SERPINE2: variants seen among roughly 807,000 people sequenced by gnomAD.
SERPINE2 encodes the protein serpin family E member 2.
SERPINE2 carries 14 observed loss-of-function variants against 36.3 expected under a neutral mutation model. That is an observed-to-expected ratio of 0.39 (90% CI 0.25 to 0.60). The LOEUF is 0.60. Among genes scored for constraint, SERPINE2 ranks in the 20% least tolerant of loss-of-function variants. The probability of loss-of-function intolerance (pLI) is 0.57; values close to 1 mark genes in which losing one functional copy is unlikely to be tolerated. For missense variants in SERPINE2, 418 were observed against 499.6 expected (o/e 0.84, Z 1.56); for synonymous variants, 192 against 191.8 (o/e 1.00, Z -0.01).
In SERPINE2 at chr2:223,975,214, C is replaced by T. The variant is rs1689957157; in HGVS notation, c.*653G>A. The T allele has an allele frequency of 6.6e-6, 1 of 152,524 alleles. No individual in the cohort carries two copies. Among genetic ancestry groups the T allele is most frequent in the African/African-American group, 2.4e-5 (1 of 41,418 alleles). The allele number at this position is 152,524 out of a possible 1,614,324, so 9.4% of individuals were successfully genotyped here. A position where few individuals can be genotyped will look rare whatever the true frequency, so the allele number is the denominator to read the frequency against. Reference sequence around the variant, plus strand: ...TGTACAAAATACAAAAATGCAAATCCAAGGAGTACAGACCAGTAGTGACAG... The same window carrying T: ...TGTACAAAATACAAAAATGCAAATCTAAGGAGTACAGACCAGTAGTGACAG... On this transcript the variant is annotated 3_prime_UTR_variant, in exon 9 of 9. Coordinates refer to ENST00000409304, the MANE Select transcript of SERPINE2 (RefSeq NM_001136528.2).
chr2:223,986,875 C>T (rs1335333325), intron 4 of SERPINE2, among the ~76,000 whole-genome samples: 1 of 152,070 alleles, frequency 6.6e-6, no homozygotes, highest in East Asian at 1.9e-4. Context: ...TGCTTCTGAC[C>T]ACAGAAGCTG....
At chr2:223,981,991 C>G (rs557533280) in intron 6 of SERPINE2, 1 of 151,582 alleles carries the variant, frequency 6.6e-6, no homozygotes, top group African/African-American at 2.4e-5. Flanking sequence ...TTCATAAAAG[C>G]AATACATGAA....
chr2:224,027,992 G>A (rs1157833656), intron 1 of SERPINE2, among the ~76,000 whole-genome samples: 1 of 152,158 alleles, frequency 6.6e-6, no homozygotes, highest in Non-Finnish European at 1.5e-5. Context: ...GAACACAGGA[G>A]TGAATACAGA....
At chr2:224,009,152 G>A (rs544700142) in intron 1 of SERPINE2, among the ~76,000 whole-genome samples, 18 of 152,202 alleles carry the variant, frequency 1.2e-4, no homozygotes, top group African/African-American at 3.6e-4. Context: ...CACACAGCAC[G>A]GCAAGGTGAG....
At chr2:224,024,341 C>T (rs1180544500) in intron 1 of SERPINE2, among the ~76,000 whole-genome samples, 1 of 152,184 alleles carries the variant, frequency 6.6e-6, no homozygotes, top group African/African-American at 2.4e-5. Context: ...AAAAGTTCTT[C>T]AAAGCTCAGA....
rs370712375 is a variant in SERPINE2 at position 224,032,273 on chromosome 2, G to C, written c.-23+6826C>G. Reference sequence around the variant, plus strand: ...TAGTCACCTTATTCATTTCCGAGTGGGCTTTGTATTTGGCATTAAACTCTT... The same window carrying C: ...TAGTCACCTTATTCATTTCCGAGTGCGCTTTGTATTTGGCATTAAACTCTT... On this transcript the variant is annotated intron_variant, in intron 1 of 8. Transcript: ENST00000409304. Among the ~76,000 whole-genome samples, 3 of 152,242 alleles carry C rather than the reference G, an allele frequency of 2.0e-5. No homozygotes were observed. The East Asian group carries it at 5.8e-4, about 29-fold the overall frequency.
At chr2:224,001,995 CAGAT>C (rs10545713) in intron 1 of SERPINE2, 73 bp from the exon 2 acceptor site, 168,694 of 1,303,164 alleles carry the variant, frequency 0.13, 12,646 homozygotes, top group African/African-American at 0.3. Flanking sequence ...TTTTTTCCCC[CAGAT>C]AGAGACTCGT....
At chr2:223,998,063 T>C (rs1690962804) in intron 3 of SERPINE2, 52 bp downstream of exon 3, 1 of 1,452,566 alleles carries the variant, frequency 6.9e-7, no homozygotes, top group African/African-American at 1.4e-5. Flanking sequence ...GGAGTCTAAC[T>C]CATGCTTCAT....
At chr2:224,013,409 T>G (rs186842657) in intron 1 of SERPINE2, among the ~76,000 whole-genome samples, 1 of 152,164 alleles carries the variant, frequency 6.6e-6, no homozygotes, top group African/African-American at 2.4e-5. Context: ...ACAGGGCGGT[T>G]TGGAGACCTA....
chr2:224,013,493 G>C (rs75023676), intron 1 of SERPINE2, among the ~76,000 whole-genome samples: 57 of 152,216 alleles, frequency 3.7e-4, no homozygotes, highest in Admixed American at 9.2e-4. Flanking sequence ...GGGAAGCAGG[G>C]GTTTGGGCTC....
At chr2:224,026,744 T>C (rs1342808824) in intron 1 of SERPINE2, among the ~76,000 whole-genome samples, 1 of 152,220 alleles carries the variant, frequency 6.6e-6, no homozygotes, top group Admixed American at 6.5e-5. Flanking sequence ...CTTATGTGCC[T>C]GGCCCAGAAG....
At chr2:224,015,146 A>C (rs1363827064) in intron 1 of SERPINE2, among the ~76,000 whole-genome samples, 1 of 152,226 alleles carries the variant, frequency 6.6e-6, no homozygotes, top group Non-Finnish European at 1.5e-5. Context: ...CGCCTGCAAC[A>C]AAGAATTATC....
chr2:224,001,796 C>T lies in SERPINE2; in HGVS notation c.105G>A (p.Gly35=), dbSNP rs1691179662. Residue 35 remains glycine, a synonymous_variant, in exon 2 of 9, where the codon GGG becomes GGA. Transcript: ENST00000409304. ...TCACAATCTGATTGAAAACCTGGATCCCCGTGTTGGAGCCTAGTTCCTCGA... is the reference window on the plus strand; with the variant it reads ...TCACAATCTGATTGAAAACCTGGATTCCCGTGTTGGAGCCTAGTTCCTCGA... ...LSLEELGSNT[G]IQVFNQIVKS... 3 of 1,614,090 alleles carry T rather than the reference C, an allele frequency of 1.9e-6. No individual in the cohort carries two copies. Among genetic ancestry groups the T allele is most frequent in the Non-Finnish European group, 2.5e-6 (3 of 1,180,034 alleles).
At chr2:224,011,682 C>A (rs1434229242) in intron 1 of SERPINE2, among the ~76,000 whole-genome samples, 2 of 151,954 alleles carry the variant, frequency 1.3e-5, no homozygotes, top group Non-Finnish European at 2.9e-5. Context: ...AAAGGCAATC[C>A]CTAGTACGCA....
intron 1 of SERPINE2, among the ~76,000 whole-genome samples, chr2:224,005,074 TATATA>T (rs1559209183): frequency 0.015 from 1,001 of 66,154 alleles, 27 homozygotes; most frequent in Middle Eastern, 0.018. Context: ...ATTATATATA[TATATA>T]TATATATATA....
Position 223,984,969 on chromosome 2 carries a change from G to A in SERPINE2, c.686-19C>T, listed in dbSNP as rs1312991280. 1.9e-6 allele frequency: 3 copies of A among 1,611,966 alleles called. No homozygotes were observed. Among genetic ancestry groups the A allele is most frequent in the African/African-American group, 1.3e-5 (1 of 74,882 alleles). On this transcript the variant is annotated intron_variant, in intron 4 of 8. Transcript: ENST00000409304. ...GTCGACCCTAAAGAAATCAGAAGCA[G>A]GTTCAGTGTATCCTTGTTGACTTCT...
At chr2:223,977,711 A>C in intron 7 of SERPINE2, 84 bp from the exon 8 acceptor site, 1 of 875,904 alleles carries the variant, frequency 1.1e-6, no homozygotes, top group South Asian at 1.3e-5. Flanking sequence ...AGCTTCATGG[A>C]CCCTCAGAGG....
intron 2 of SERPINE2, among the ~76,000 whole-genome samples, chr2:223,999,259 C>T (rs1691010963): frequency 6.6e-6 from 1 of 152,144 alleles, no homozygotes; most frequent in African/African-American, 2.4e-5. Context: ...ATGAGCCATT[C>T]ATACATGCTC....
intron 1 of SERPINE2, chr2:224,038,659 C>T (rs1574857819): frequency 1.4e-6 from 1 of 709,618 alleles, no homozygotes; most frequent in Non-Finnish European, 2.5e-6. Context: ...GTGCGCCAGT[C>T]TCTCCCCATC....
Sources: gnomAD v4.1 joint callset for allele counts (sites outside exome capture counted in the v4.1 genomes callset) on GRCh38, gnomAD v4.1.1 for gene constraint, MANE v1.5 for transcripts, NCBI Gene and HGNC (gene_info 2026-07-23, HGNC 2026-07-21) for gene names.